The following MAML2 variants were observed in gnomAD, a reference collection of about 807,000 sequenced individuals.
MAML2 encodes mastermind like transcriptional coactivator 2.
In MAML2, 22 loss-of-function variants were observed where a neutral mutation model predicts 96.1. The ratio of observed to expected loss-of-function variants is 0.23; its 90% CI spans 0.16 to 0.33. The LOEUF (loss-of-function observed/expected upper bound fraction) is 0.33. Among genes scored for constraint, MAML2 ranks in the 10% least tolerant of loss-of-function variants. MAML2 has a pLI of 1.00. For missense variants in MAML2, 1,367 were observed against 1,392.4 expected, an observed-to-expected ratio of 0.98 and a Z score of 0.29; for synonymous variants, 561 against 521.3, an observed-to-expected ratio of 1.08 and a Z score of -1.04.
chr11:96,326,739 G>A (rs995624959), intron 1 of MAML2, among the ~76,000 whole-genome samples: 2 of 150,426 alleles, frequency 1.3e-5, no homozygotes, highest in Non-Finnish European at 1.5e-5. Context: ...CACTCCAGCC[G>A]GGCAACAAGA....
chr11:96,239,037 C>A (rs1862399032), intron 1 of MAML2, among the ~76,000 whole-genome samples: 1 of 152,206 alleles, frequency 6.6e-6, no homozygotes, highest in Non-Finnish European at 1.5e-5. Context: ...AGGGAAAAGA[C>A]AGGTTGAAAC....
intron 1 of MAML2, among the ~76,000 whole-genome samples, chr11:96,108,350 T>C (rs558956505): frequency 6.6e-6 from 1 of 152,346 alleles, no homozygotes; most frequent in South Asian, 2.1e-4. Context: ...ATTATTTTTA[T>C]GTAGTCTTCG....
intron 1 of MAML2, among the ~76,000 whole-genome samples, chr11:96,243,035 GAC>G (rs34648958): frequency 1.2e-4 from 18 of 149,752 alleles, no homozygotes; most frequent in Non-Finnish European, 1.8e-4. Flanking sequence ...CCAGTTCAGG[GAC>G]ACACACACAC....
At chr11:96,285,071 G>A (rs540575266) in intron 1 of MAML2, among the ~76,000 whole-genome samples, 1 of 152,116 alleles carries the variant, frequency 6.6e-6, no homozygotes, top group Non-Finnish European at 1.5e-5. Flanking sequence ...AAAGGTTAAG[G>A]AACTTGTCCA....
chr11:96,148,659 TACACACACACACACACACAC>T (rs58470055), intron 1 of MAML2, among the ~76,000 whole-genome samples: 39 of 131,958 alleles, frequency 3.0e-4, no homozygotes, highest in South Asian at 7.8e-4. Context: ...TTCTGAAAAA[TACACACACACACACACACAC>T]ACACACACAC....
intron 1 of MAML2, among the ~76,000 whole-genome samples, chr11:96,128,886 T>G (rs1860496702): frequency 6.6e-6 from 1 of 152,160 alleles, no homozygotes; most frequent in African/African-American, 2.4e-5. Flanking sequence ...GAAAAAAGTA[T>G]AGAGTATGAG....
chr11:96,078,588 C>T lies in MAML2; in HGVS notation c.2139+13304G>A, dbSNP rs556384797. Among the ~76,000 whole-genome samples the T allele has an allele frequency of 4.6e-5, 7 of 152,254 alleles. 1 individual carries two copies. The highest frequency in any genetic ancestry group is 1.9e-4 in the East Asian group (1 of 5,184). On this transcript the variant is annotated intron_variant, in intron 2 of 4. Transcript: ENST00000524717. ...CTTCTGCTTCTGAGAGCAATGATAC[C>T]GGAACAGGAACGAAATGCTGCTAGA... is the stretch of plus-strand genomic sequence containing the variant.
chr11:96,136,498 C>G (rs916273197), intron 1 of MAML2, among the ~76,000 whole-genome samples: 3 of 152,152 alleles, frequency 2.0e-5, no homozygotes, highest in South Asian at 2.1e-4. Flanking sequence ...CCCCCACCCC[C>G]CAAACTACAA....
At chr11:96,027,284 A>G (rs984784049) in intron 2 of MAML2, among the ~76,000 whole-genome samples, 10 of 152,238 alleles carry the variant, frequency 6.6e-5, no homozygotes, top group African/African-American at 2.4e-4. Context: ...AGGCACTATG[A>G]CAAGTACTTC....
At chr11:96,190,556 A>G (rs10765796) in intron 1 of MAML2, among the ~76,000 whole-genome samples, 64,714 of 152,002 alleles carry the variant, frequency 0.43, 14,032 homozygotes, top group Middle Eastern at 0.49. Context: ...TTGATGACTT[A>G]GTGAAATTTA....
rs990392015 is a variant in MAML2, at chr11:96,202,919, C to T, written c.514-109402G>A. On this transcript the variant is annotated intron_variant, in intron 1 of 4. Coordinates refer to ENST00000524717, the MANE Select transcript of MAML2 (RefSeq NM_032427.4). ...CTCAGATTACAGGTATGAGCCATCA[C>T]GTCTAGCCTCAGATGATATTTTTTA... Among the ~76,000 whole-genome samples, 9 of 152,122 alleles carry T rather than the reference C, an allele frequency of 5.9e-5. No individual in the cohort carries two copies. In the South Asian group the frequency reaches 8.3e-4, roughly 14 times the overall value.
At chr11:96,138,889 C>A (rs756705830) in intron 1 of MAML2, among the ~76,000 whole-genome samples, 8 of 152,144 alleles carry the variant, frequency 5.3e-5, no homozygotes, top group Non-Finnish European at 8.8e-5. Flanking sequence ...AACTTGAGGG[C>A]AGATGCTTGT....
intron 1 of MAML2, among the ~76,000 whole-genome samples, chr11:96,138,628 G>C (rs974181868): frequency 6.6e-6 from 1 of 152,066 alleles, no homozygotes; most frequent in Non-Finnish European, 1.5e-5. Context: ...AAGATGGGGG[G>C]GTTGGTGAAT....
chr11:96,184,806 T>G (rs1591061376), intron 1 of MAML2, among the ~76,000 whole-genome samples: 1 of 152,000 alleles, frequency 6.6e-6, no homozygotes, highest in Non-Finnish European at 1.5e-5. Context: ...AGCCAGGATG[T>G]TCTCGACCTC....
Position 96,342,725 on chromosome 11 carries a change from T to C in MAML2, c.-830A>G, listed in dbSNP as rs914147820. Reference sequence around the variant, plus strand: ...AATCACCGGTAAAATCCTCACTCCCTCTAAGGTTTCCTAGCCTTAAATGAA... The same window carrying C: ...AATCACCGGTAAAATCCTCACTCCCCCTAAGGTTTCCTAGCCTTAAATGAA... On this transcript the variant is annotated 5_prime_UTR_variant, in exon 1 of 5. Coordinates refer to ENST00000524717, the MANE Select transcript of MAML2 (RefSeq NM_032427.4). 6.1e-6 allele frequency: 2 copies of C among 329,460 alleles called. No individual in the cohort carries two copies. The highest frequency in any genetic ancestry group is 1.1e-5 in the Non-Finnish European group (2 of 183,082). 20.4% of individuals were successfully genotyped at this position (329,460 alleles called of 1,614,324 possible).
chr11:96,045,204 C>T (rs1422197084), intron 2 of MAML2, among the ~76,000 whole-genome samples: 2 of 152,074 alleles, frequency 1.3e-5, no homozygotes, highest in African/African-American at 4.8e-5. Flanking sequence ...CCTGGTCACC[C>T]GTACTGAGCA....
At chr11:96,180,698 G>T (rs996009256) in intron 1 of MAML2, among the ~76,000 whole-genome samples, 2 of 152,116 alleles carry the variant, frequency 1.3e-5, no homozygotes, top group South Asian at 2.1e-4. Flanking sequence ...AAACCAGTAG[G>T]TTTTGGGGCA....
chr11:96,281,312 G>A (rs1863060280), intron 1 of MAML2, among the ~76,000 whole-genome samples: 1 of 152,164 alleles, frequency 6.6e-6, no homozygotes, highest in Non-Finnish European at 1.5e-5. Flanking sequence ...CTGGTGGCAG[G>A]TGATGGATAG....
At chr11:96,016,793 C>T (rs560474320) in intron 2 of MAML2, among the ~76,000 whole-genome samples, 1 of 152,222 alleles carries the variant, frequency 6.6e-6, no homozygotes, top group African/African-American at 2.4e-5. Context: ...ACTAAACTTT[C>T]AATTTAGAGT....
Sources: gnomAD v4.1 joint callset for allele counts (sites outside exome capture counted in the v4.1 genomes callset) on GRCh38, gnomAD v4.1.1 for gene constraint, MANE v1.5 for transcripts, NCBI Gene and HGNC (gene_info 2026-07-23, HGNC 2026-07-21) for gene names.